PMS1: variants seen among roughly 807,000 people sequenced by gnomAD.
PMS1 encodes PMS1 protein homolog 1.
A neutral mutation model predicts 93.1 loss-of-function variants in PMS1; 79 were observed. The observed-to-expected ratio is 0.85, with a 90% CI of 0.71 to 1.02. The LOEUF is 1.02. Ranked by LOEUF, PMS1 falls within the 50% of genes least tolerant of loss-of-function variation. PMS1 has a pLI of 0.00. For missense variants in PMS1, 1,064 were observed against 1,085.3 expected (o/e 0.98, Z 0.28); for synonymous variants, 335 against 363.4 (o/e 0.92, Z 0.89).
intron 5 of PMS1, among the ~76,000 whole-genome samples, chr2:189,819,620 T>C (rs1265026676): frequency 6.6e-6 from 1 of 152,218 alleles, no homozygotes; most frequent in Non-Finnish European, 1.5e-5. Context: ...TTTGCATTTT[T>C]CTAGTGATTA....
At chr2:189,822,165 G>T (rs568672216) in intron 5 of PMS1, among the ~76,000 whole-genome samples, 13 of 152,194 alleles carry the variant, frequency 8.5e-5, no homozygotes, top group Non-Finnish European at 1.8e-4. Context: ...GGCGCGGGCA[G>T]TGGAGGAGGA....
At chr2:189,819,412 T>A (rs1344405326) in intron 5 of PMS1, among the ~76,000 whole-genome samples, 1 of 152,200 alleles carries the variant, frequency 6.6e-6, no homozygotes, top group African/African-American at 2.4e-5. Flanking sequence ...GGAGATTACT[T>A]GGTCAAATAG....
At chr2:189,841,644 A>G (rs1187197098) in intron 5 of PMS1, among the ~76,000 whole-genome samples, 2 of 151,860 alleles carry the variant, frequency 1.3e-5, no homozygotes, top group East Asian at 3.9e-4. Flanking sequence ...ATTCCTGGTT[A>G]TGGTTAAGGA....
At chr2:189,871,469 C>T (rs1198102518) in intron 11 of PMS1, among the ~76,000 whole-genome samples, 1 of 152,248 alleles carries the variant, frequency 6.6e-6, no homozygotes, top group African/African-American at 2.4e-5. Flanking sequence ...AGCCAAAATC[C>T]TTGCGGGGAC....
intron 4 of PMS1, among the ~76,000 whole-genome samples, chr2:189,813,752 A>G (rs2051041425): frequency 6.6e-6 from 1 of 152,242 alleles, no homozygotes; most frequent in Non-Finnish European, 1.5e-5. Context: ...TCATGGGAGT[A>G]AAGAAATTTC....
intron 6 of PMS1, among the ~76,000 whole-genome samples, chr2:189,849,659 C>A (rs2054532580): frequency 6.6e-6 from 1 of 152,072 alleles, no homozygotes; most frequent in African/African-American, 2.4e-5. Flanking sequence ...ACTTCCACTT[C>A]TTTCCCATAG....
At chr2:189,820,163 T>C (rs538837851) in intron 5 of PMS1, among the ~76,000 whole-genome samples, 2 of 152,360 alleles carry the variant, frequency 1.3e-5, no homozygotes, top group Admixed American at 6.5e-5. Flanking sequence ...GTAGGGATTA[T>C]ATCAGTTTTG....
chr2:189,862,687 A>G (rs1381002726), intron 9 of PMS1, among the ~76,000 whole-genome samples: 3 of 152,176 alleles, frequency 2.0e-5, no homozygotes, highest in Non-Finnish European at 4.4e-5. Context: ...ATATTTTGTT[A>G]GGGAGAAGCT....
intron 12 of PMS1, among the ~76,000 whole-genome samples, chr2:189,874,295 TA>T (rs2057385019): frequency 1.3e-5 from 2 of 152,184 alleles, no homozygotes; most frequent in African/African-American, 2.4e-5. Context: ...AAACTAATGC[TA>T]CCTTTATATT....
intron 1 of PMS1, among the ~76,000 whole-genome samples, chr2:189,789,094 C>G (rs2048618707): frequency 6.6e-6 from 1 of 151,902 alleles, no homozygotes; most frequent in Admixed American, 6.6e-5. Flanking sequence ...ACTGGGTACC[C>G]CAAAACTAAA....
At chr2:189,785,305 A>G (rs1237774426) in intron 1 of PMS1, 1 of 152,178 alleles carries the variant, frequency 6.6e-6, no homozygotes, top group Non-Finnish European at 1.5e-5. Flanking sequence ...GTTCTCTCTA[A>G]TGGAAGTCTG....
At position 189,803,121 on chromosome 2, in the gene PMS1, G is replaced by A. The variant is rs533113970; in HGVS notation, c.316-2531G>A. Among the ~76,000 whole-genome samples the A allele has an allele frequency of 1.6e-4, 24 of 152,052 alleles. 1 individual carries two copies. Among genetic ancestry groups the A allele is most frequent in the East Asian group, 3.9e-4 (2 of 5,178 alleles). Reference sequence around the variant, plus strand: ...TTCACCTGAATCGTAAAGACTGTGCGTTTTCAACTCGTTTTTGTGTCAGTT... The same window carrying A: ...TTCACCTGAATCGTAAAGACTGTGCATTTTCAACTCGTTTTTGTGTCAGTT... On this transcript the variant is annotated intron_variant, in intron 3 of 12. Transcript: ENST00000441310.
intron 11 of PMS1, among the ~76,000 whole-genome samples, chr2:189,872,463 A>G (rs1246758819): frequency 1.3e-5 from 2 of 152,156 alleles, no homozygotes; most frequent in African/African-American, 4.8e-5. Flanking sequence ...AGCATTATGT[A>G]GACTTCATGA....
chr2:189,832,005 G>T (rs2052986658), intron 5 of PMS1, among the ~76,000 whole-genome samples: 1 of 152,024 alleles, frequency 6.6e-6, no homozygotes, highest in African/African-American at 2.4e-5. Flanking sequence ...GATGTTATTT[G>T]TTACCCTTAA....
At chr2:189,805,877 A>G (rs558975163) in intron 4 of PMS1, 123 bp downstream of exon 4, 177 of 1,545,314 alleles carry the variant, frequency 1.1e-4, no homozygotes, top group Non-Finnish European at 1.5e-4. Flanking sequence ...GATAAAGGCT[A>G]GTTAACTTCC....
intron 5 of PMS1, among the ~76,000 whole-genome samples, chr2:189,835,556 A>G (rs190071535): frequency 3.0e-4 from 45 of 152,322 alleles, no homozygotes; most frequent in African/African-American, 1.0e-3. Flanking sequence ...GTGCAAGTAC[A>G]TACGCAGGAG....
At chr2:189,852,015 T>C (rs1319706218) in intron 6 of PMS1, among the ~76,000 whole-genome samples, 1 of 152,222 alleles carries the variant, frequency 6.6e-6, no homozygotes, top group Non-Finnish European at 1.5e-5. Flanking sequence ...TCATTTTCTC[T>C]TTCTTCTTTA....
At chr2:189,841,448 A>G (rs545080072) in intron 5 of PMS1, among the ~76,000 whole-genome samples, 34 of 152,298 alleles carry the variant, frequency 2.2e-4, no homozygotes, top group Non-Finnish European at 4.4e-4. Flanking sequence ...TTGAGACTCT[A>G]AAAACAAAGT....
chr2:189,848,103 G>A (rs746142637), intron 6 of PMS1, among the ~76,000 whole-genome samples: 1 of 152,082 alleles, frequency 6.6e-6, no homozygotes, highest in East Asian at 1.9e-4. Flanking sequence ...AACTGGTTAC[G>A]GTCGCTGACT....
Sources: gnomAD v4.1 joint callset for allele counts (sites outside exome capture counted in the v4.1 genomes callset) on GRCh38, gnomAD v4.1.1 for gene constraint, MANE v1.5 for transcripts, NCBI Gene and HGNC (gene_info 2026-07-23, HGNC 2026-07-21) for gene names.